Variants in ADGRL2 observed in about 807,000 individuals in gnomAD.
The protein encoded by ADGRL2 is calcium-independent alpha-latrotoxin receptor 2.
ADGRL2 carries 44 observed loss-of-function variants against 157.4 expected under a neutral mutation model. The ratio of observed to expected loss-of-function variants is 0.28; its 90% CI spans 0.22 to 0.36. The LOEUF (loss-of-function observed/expected upper bound fraction) is 0.36, where lower values mean the gene tolerates loss of function less well. ADGRL2 is among the 10% of genes least tolerant of loss of function. The probability of loss-of-function intolerance (pLI) is 1.00; values close to 1 mark genes in which losing one functional copy is unlikely to be tolerated. For synonymous variants in ADGRL2, 585 were observed against 624.7 expected (o/e 0.94, Z 0.95); for missense variants, 1,510 against 1,768.9 (o/e 0.85, Z 2.63).
chr1:81,677,195 G>A (rs958724958), intron 3 of ADGRL2, among the ~76,000 whole-genome samples: 3 of 151,674 alleles, frequency 2.0e-5, no homozygotes, highest in Non-Finnish European at 4.4e-5. Context: ...ACATTGTCCA[G>A]GCGGGTTTCA....
chr1:81,637,563 AG>A (rs1402587743), intron 3 of ADGRL2, among the ~76,000 whole-genome samples: 3 of 152,180 alleles, frequency 2.0e-5, no homozygotes, highest in African/African-American at 7.2e-5. Flanking sequence ...AATGTATCAA[AG>A]GGGGTGGGGA....
chr1:81,935,219 A>G (rs868761094), intron 3 of ADGRL2, among the ~76,000 whole-genome samples: 6 of 152,104 alleles, frequency 3.9e-5, no homozygotes, highest in Middle Eastern at 3.4e-3. Flanking sequence ...ATACAGAATA[A>G]TGACAGGAAA....
At chr1:81,389,368 C>G (rs1027512710) in intron 1 of ADGRL2, among the ~76,000 whole-genome samples, 2 of 151,736 alleles carry the variant, frequency 1.3e-5, no homozygotes, top group Admixed American at 1.3e-4. Context: ...ATAATAAGAA[C>G]TATGAAGAAA....
At position 81,641,387 on chromosome 1, in the gene ADGRL2, C is replaced by T. The variant is rs147046875; in HGVS notation, c.-143+60407C>T. The stretch of plus-strand genomic sequence containing the variant: ...ACTATACACATTCTTCTCAAACTCA[C>T]ATTGGAATATTCACCAACAGAGACC... On this transcript the variant is annotated intron_variant, in intron 3 of 24. Coordinates refer to the ADGRL2 transcript ENST00000370721. 5.6e-4 allele frequency among the ~76,000 whole-genome samples: 86 copies of T among 152,280 alleles called. 1 individual carries two copies. The highest frequency in any genetic ancestry group is 1.9e-3 in the African/African-American group (81 of 41,568).
chr1:81,350,338 C>T (rs1042701885), intron 1 of ADGRL2, among the ~76,000 whole-genome samples: 3 of 152,132 alleles, frequency 2.0e-5, no homozygotes, highest in Admixed American at 6.5e-5. Context: ...GAAATCTGCT[C>T]ATAACACTGT....
At chr1:81,810,591 C>T (rs1402663866) in intron 1 of ADGRL2, among the ~76,000 whole-genome samples, 3 of 151,808 alleles carry the variant, frequency 2.0e-5, no homozygotes, top group Non-Finnish European at 4.4e-5. Flanking sequence ...TCTTACAATT[C>T]CTGACTTTCC....
At chr1:81,778,650 C>T (rs2149373059) in intron 2 of ADGRL2, among the ~76,000 whole-genome samples, 1 of 152,316 alleles carries the variant, frequency 6.6e-6, no homozygotes, top group African/African-American at 2.4e-5. Flanking sequence ...TGCAGACTGA[C>T]ATTTTTTGAA....
chr1:81,508,092 G>A (rs1034903207), intron 2 of ADGRL2, among the ~76,000 whole-genome samples: 2 of 152,016 alleles, frequency 1.3e-5, no homozygotes, highest in Non-Finnish European at 2.9e-5. Flanking sequence ...TTTATATTGT[G>A]CAATGCCAAT....
chr1:81,623,940 C>T (rs1411762074), intron 3 of ADGRL2, among the ~76,000 whole-genome samples: 2 of 151,948 alleles, frequency 1.3e-5, no homozygotes, highest in Non-Finnish European at 2.9e-5. Context: ...CAGCTGATAT[C>T]TTTCTAAGGT....
chr1:81,884,665 A>G (rs887758915), intron 2 of ADGRL2, among the ~76,000 whole-genome samples: 2 of 152,220 alleles, frequency 1.3e-5, no homozygotes, highest in Admixed American at 6.5e-5. Context: ...AGGTAGGCTT[A>G]TAAATATGCT....
intron 3 of ADGRL2, among the ~76,000 whole-genome samples, chr1:81,620,200 T>C (rs2081759341): frequency 6.6e-6 from 1 of 152,214 alleles, no homozygotes. Flanking sequence ...GATATAGTTG[T>C]AGGCAATACA....
chr1:81,787,611 C>T (rs2087117596), intron 2 of ADGRL2, among the ~76,000 whole-genome samples: 1 of 151,862 alleles, frequency 6.6e-6, no homozygotes, highest in Non-Finnish European at 1.5e-5. Flanking sequence ...GCTGGGGTCG[C>T]ACCACTGCAC....
At chr1:81,500,027 C>T (rs2078812401) in intron 2 of ADGRL2, among the ~76,000 whole-genome samples, 2 of 152,116 alleles carry the variant, frequency 1.3e-5, no homozygotes, top group South Asian at 4.2e-4. Flanking sequence ...AGATTCTTAA[C>T]TCAGTGTCAG....
chr1:81,680,803 A>G (rs1297026973), intron 3 of ADGRL2, among the ~76,000 whole-genome samples: 1 of 152,172 alleles, frequency 6.6e-6, no homozygotes, highest in African/African-American at 2.4e-5. Flanking sequence ...TTGGGAACAT[A>G]GATCAACTCA....
Position 81,871,034 on chromosome 1 carries a change from C to T in ADGRL2, c.73+33977C>T, listed in dbSNP as rs189749618. On this transcript the variant is annotated intron_variant, in intron 2 of 23. Coordinates refer to ENST00000686636, the MANE Select transcript of ADGRL2 (RefSeq NM_001366006.2). ...ATGTGCCATGTTGGTGTGCTGCACC[C>T]ATTACCTCGTCATTTACATTAGGTA... Among the ~76,000 whole-genome samples the T allele has an allele frequency of 6.2e-4, 93 of 151,044 alleles. 1 individual carries two copies. Among genetic ancestry groups the T allele is most frequent in the African/African-American group, 2.2e-3 (92 of 41,120 alleles).
chr1:81,384,757 T>A (rs893293086), intron 1 of ADGRL2, among the ~76,000 whole-genome samples: 1 of 152,156 alleles, frequency 6.6e-6, no homozygotes, highest in African/African-American at 2.4e-5. Context: ...GTATCCACAA[T>A]TACTAATATA....
rs1295516369 is a variant in ADGRL2, at chr1:81,839,666, T to C, written c.73+2609T>C. Among the ~76,000 whole-genome samples the C allele has an allele frequency of 8.6e-5, 13 of 151,668 alleles. No homozygotes were observed. In the South Asian group the frequency reaches 2.7e-3, roughly 32 times the overall value. ...TCTTCCTGAGTTACTTCACTTAGAA[T>C]AATAGTCTCCAGTCTCATCCAGGTC... On this transcript the variant is annotated intron_variant, in intron 2 of 23. Transcript: ENST00000686636.
At chr1:81,617,318 G>A (rs564590741) in intron 3 of ADGRL2, among the ~76,000 whole-genome samples, 17 of 152,228 alleles carry the variant, frequency 1.1e-4, no homozygotes, top group Non-Finnish European at 2.1e-4. Context: ...CAATTTCATC[G>A]CAAAACTATC....
intron 2 of ADGRL2, among the ~76,000 whole-genome samples, chr1:81,857,753 A>G (rs2093251934): frequency 6.6e-6 from 1 of 152,198 alleles, no homozygotes; most frequent in South Asian, 2.1e-4. Flanking sequence ...GGTTCTTGAT[A>G]CAAGACAATA....
Sources: allele counts gnomAD v4.1 joint callset (sites outside exome capture counted in the v4.1 genomes callset), GRCh38; gene constraint gnomAD v4.1.1; transcripts MANE v1.5; gene names NCBI Gene and HGNC (gene_info 2026-07-23, HGNC 2026-07-21).